The following ALCAM variants were observed in gnomAD, a reference collection of about 807,000 sequenced individuals.
ALCAM encodes the protein activated leukocyte cell adhesion molecule, also known as CD166 antigen.
ALCAM carries 30 observed loss-of-function variants against 70.9 expected under a neutral mutation model. That is an observed-to-expected ratio of 0.42 (90% CI 0.32 to 0.57). The LOEUF is 0.57. Ranked by LOEUF, ALCAM falls within the 20% of genes least tolerant of loss-of-function variation. The pLI is 0.11. For missense variants in ALCAM, 591 were observed against 695.1 expected (o/e 0.85, Z 1.68); for synonymous variants, 249 against 242.5 (o/e 1.03, Z -0.25).
At chr3:105,552,217 T>C in intron 13 of ALCAM, 35 bp downstream of exon 13, 4 of 1,569,292 alleles carry the variant, frequency 2.5e-6, no homozygotes, top group Non-Finnish European at 3.5e-6. Context: ...CTTCCTTGAC[T>C]ATCAGCTCAA....
At chr3:105,404,434 C>T (rs1349789181) in intron 1 of ALCAM, among the ~76,000 whole-genome samples, 1 of 152,054 alleles carries the variant, frequency 6.6e-6, no homozygotes, top group Non-Finnish European at 1.5e-5. Context: ...CTATTTTTAG[C>T]CTCCTAAACA....
intron 1 of ALCAM, among the ~76,000 whole-genome samples, chr3:105,419,723 T>A (rs550762809): frequency 6.5e-4 from 99 of 152,014 alleles, no homozygotes; most frequent in South Asian, 2.7e-3. Flanking sequence ...ATTTTTCCAA[T>A]TGAAGTAGCT....
chr3:105,402,289 C>T (rs1291127406), intron 1 of ALCAM, among the ~76,000 whole-genome samples: 2 of 152,110 alleles, frequency 1.3e-5, no homozygotes, highest in Non-Finnish European at 2.9e-5. Flanking sequence ...GCTTGTGGCT[C>T]CCACTCAGAC....
chr3:105,385,514 A>G (rs1576124930), intron 1 of ALCAM, among the ~76,000 whole-genome samples: 1 of 151,658 alleles, frequency 6.6e-6, no homozygotes, highest in African/African-American at 2.4e-5. Flanking sequence ...AATTTTCTTT[A>G]CTGCTTTGCC....
At chr3:105,441,475 C>G (rs1408774810) in intron 1 of ALCAM, among the ~76,000 whole-genome samples, 1 of 152,072 alleles carries the variant, frequency 6.6e-6, no homozygotes, top group African/African-American at 2.4e-5. Context: ...GTCAACTTTC[C>G]TTTGCTTTTA....
chr3:105,539,861 T>C, intron 6 of ALCAM, 114 bp from the exon 7 acceptor site: 1 of 1,089,550 alleles, frequency 9.2e-7, no homozygotes, highest in East Asian at 2.7e-5. Context: ...ATTTAAGCAA[T>C]TACCATTACT....
intron 1 of ALCAM, among the ~76,000 whole-genome samples, chr3:105,390,503 T>A (rs1935790372): frequency 6.6e-6 from 1 of 152,060 alleles, no homozygotes; most frequent in Non-Finnish European, 1.5e-5. Flanking sequence ...ATATTAGACA[T>A]TTGTCAGATG....
intron 14 of ALCAM, among the ~76,000 whole-genome samples, chr3:105,561,800 AG>A (rs2152634176): frequency 6.6e-6 from 1 of 152,320 alleles, no homozygotes; most frequent in Non-Finnish European, 1.5e-5. Context: ...AAATCAGCCA[AG>A]GGAAAAACAA....
At chr3:105,371,887 A>G (rs1456724940) in intron 1 of ALCAM, among the ~76,000 whole-genome samples, 1 of 152,102 alleles carries the variant, frequency 6.6e-6, no homozygotes, top group African/African-American at 2.4e-5. Context: ...ATTTCTCACA[A>G]TGTGTTAATT....
At chr3:105,474,603 AAG>A (rs201990299) in intron 1 of ALCAM, among the ~76,000 whole-genome samples, 7 of 150,718 alleles carry the variant, frequency 4.6e-5, no homozygotes, top group South Asian at 4.2e-4. Flanking sequence ...GCGAAAAAAA[AAG>A]AGAGAGAGAG....
intron 15 of ALCAM, among the ~76,000 whole-genome samples, chr3:105,572,698 C>T (rs1332181377): frequency 6.6e-6 from 1 of 152,150 alleles, no homozygotes; most frequent in Non-Finnish European, 1.5e-5. Context: ...ACACTCCCAC[C>T]AACAGTGTAA....
chr3:105,541,235 T>G (rs1444372462), intron 7 of ALCAM, among the ~76,000 whole-genome samples: 1 of 151,810 alleles, frequency 6.6e-6, no homozygotes, highest in East Asian at 1.9e-4. Flanking sequence ...CTTCCTTCTT[T>G]CCTTCCTTTT....
At chr3:105,542,019 A>G (rs1940129647) in intron 8 of ALCAM, among the ~76,000 whole-genome samples, 1 of 151,766 alleles carries the variant, frequency 6.6e-6, no homozygotes, top group Admixed American at 6.6e-5. Flanking sequence ...AGTGTCTTCA[A>G]TTTGTGGTGT....
intron 11 of ALCAM, among the ~76,000 whole-genome samples, chr3:105,547,763 A>G (rs1205870447): frequency 6.6e-6 from 1 of 151,438 alleles, no homozygotes; most frequent in Non-Finnish European, 1.5e-5. Flanking sequence ...GAAGGGAAGA[A>G]CCATTGTGTC....
In ALCAM at chr3:105,520,657, A is replaced by C. The variant is rs549334185; in HGVS notation, c.174+490A>C. Among the ~76,000 whole-genome samples the C allele has an allele frequency of 1.5e-4, 22 of 143,648 alleles. No individual in the cohort carries two copies. The South Asian group carries it at 4.8e-3, about 32-fold the overall frequency. 94.2% of individuals were successfully genotyped at this position (143,648 alleles called of 152,430 possible). A position where few individuals can be genotyped will look rare whatever the true frequency, so the allele number is the denominator to read the frequency against. ...TGTGTTGATGCTATAGGTCTTTTTT[A>C]TATTTAACGGTGTTGATTTTTTCCC... On this transcript the variant is annotated intron_variant, in intron 2 of 15. Coordinates refer to ENST00000306107, the MANE Select transcript of ALCAM (RefSeq NM_001627.4).
At chr3:105,440,395 C>G (rs1398229729) in intron 1 of ALCAM, among the ~76,000 whole-genome samples, 1 of 152,076 alleles carries the variant, frequency 6.6e-6, no homozygotes. Context: ...GCACAAAGGG[C>G]CTTTTCAGGC....
chr3:105,555,478 T>C lies in ALCAM; in HGVS notation c.1664+2893T>C, dbSNP rs186542380. ...TCTTCTTAACCCTTCAAGCTGCTCA[T>C]GCAGAGTAAGTTCAGATTCATAATA... On this transcript the variant is annotated intron_variant, in intron 14 of 15. Transcript: ENST00000306107. Among the ~76,000 whole-genome samples the C allele has an allele frequency of 2.4e-3, 361 of 152,170 alleles. 2 individuals are homozygous for C. The highest frequency in any genetic ancestry group is 4.1e-3 in the Non-Finnish European group (279 of 67,942).
intron 1 of ALCAM, among the ~76,000 whole-genome samples, chr3:105,464,841 T>C (rs1316897647): frequency 6.6e-6 from 1 of 151,356 alleles, no homozygotes; most frequent in Non-Finnish European, 1.5e-5. Context: ...AAGATCTTAG[T>C]GGTAGGATTT....
In ALCAM at chr3:105,576,100, C is replaced by T. The variant is rs183671482; in HGVS notation, c.*1649C>T. 1.3e-5 allele frequency: 2 copies of T among 152,068 alleles called. No homozygotes were observed. The highest frequency in any genetic ancestry group is 4.8e-5 in the African/African-American group (2 of 41,288). 9.4% of individuals were successfully genotyped at this position (152,068 alleles called of 1,614,324 possible). ...TAAATGCATAAAATATTCTTAGACTCGATGCTGTATAAAATATTATGGGAA... is the reference window on the plus strand; with the variant it reads ...TAAATGCATAAAATATTCTTAGACTTGATGCTGTATAAAATATTATGGGAA... On this transcript the variant is annotated 3_prime_UTR_variant, in exon 16 of 16. Transcript: ENST00000306107.
Sources: allele counts gnomAD v4.1 joint callset (sites outside exome capture counted in the v4.1 genomes callset), GRCh38; gene constraint gnomAD v4.1.1; transcripts MANE v1.5; gene names NCBI Gene and HGNC (gene_info 2026-07-23, HGNC 2026-07-21).